The following ZNF236 variants were observed in gnomAD, a reference collection of about 807,000 sequenced individuals.
ZNF236 encodes regulated by glucose.
A neutral mutation model predicts 191.2 loss-of-function variants in ZNF236; 50 were observed. The ratio of observed to expected loss-of-function variants is 0.26; its 90% confidence interval spans 0.21 to 0.33. ZNF236 has a LOEUF of 0.33. ZNF236 is among the 10% of genes least tolerant of loss of function. The pLI is 1.00. For synonymous variants in ZNF236, 907 were observed against 928.8 expected, an observed-to-expected ratio of 0.98 and a Z score of 0.43; for missense variants, 1,754 against 2,374.5, an observed-to-expected ratio of 0.74 and a Z score of 5.43.
chr18:76,873,843 G>A (rs529501691), intron 5 of ZNF236, among the ~76,000 whole-genome samples: 2 of 139,712 alleles, frequency 1.4e-5, no homozygotes, highest in Non-Finnish European at 3.1e-5. Context: ...CGTAGGCAGT[G>A]CTGTGACTGG....
At chr18:76,961,938 A>G (rs1791842084) in intron 30 of ZNF236, among the ~76,000 whole-genome samples, 2 of 151,762 alleles carry the variant, frequency 1.3e-5, no homozygotes, top group Non-Finnish European at 2.9e-5. Flanking sequence ...CTTACTGATT[A>G]GTTTGAATTC....
chr18:76,901,068 G>T (rs572253870), intron 11 of ZNF236, among the ~76,000 whole-genome samples: 1 of 152,328 alleles, frequency 6.6e-6, no homozygotes, highest in African/African-American at 2.4e-5. Context: ...TTACTCACCT[G>T]CTATTCGCCT....
chr18:76,890,402 A>G (rs947270669), intron 9 of ZNF236, among the ~76,000 whole-genome samples: 1 of 152,220 alleles, frequency 6.6e-6, no homozygotes, highest in East Asian at 1.9e-4. Context: ...TACCGACCTT[A>G]TTGAAATTTT....
chr18:76,830,247 ATT>A (rs1441662095), intron 1 of ZNF236, among the ~76,000 whole-genome samples: 1 of 152,038 alleles, frequency 6.6e-6, no homozygotes, highest in Non-Finnish European at 1.5e-5. Context: ...TTCAATATTT[ATT>A]TTTATGAGAT....
At chr18:76,867,736 T>G (rs1976456936) in intron 3 of ZNF236, among the ~76,000 whole-genome samples, 1 of 152,240 alleles carries the variant, frequency 6.6e-6, no homozygotes, top group African/African-American at 2.4e-5. Flanking sequence ...GTTCTCACTC[T>G]AGGCCACGCA....
chr18:76,857,605 A>G (rs552466807), intron 3 of ZNF236, among the ~76,000 whole-genome samples: 25 of 152,296 alleles, frequency 1.6e-4, no homozygotes, highest in Admixed American at 3.9e-4. Flanking sequence ...ATATTAACCA[A>G]CTGTTAAAAG....
chr18:76,964,944 G>C (rs1968738325), intron 30 of ZNF236, among the ~76,000 whole-genome samples: 2 of 152,148 alleles, frequency 1.3e-5, no homozygotes, highest in South Asian at 2.1e-4. Context: ...CAAGGCCAGG[G>C]AAGTTTTCCT....
chr18:76,927,265 G>A lies in ZNF236; in HGVS notation c.4174-12G>A. 1 of 1,613,890 alleles carries A rather than the reference G, an allele frequency of 6.2e-7. No homozygotes were observed. The highest frequency in any genetic ancestry group is 8.5e-7 in the Non-Finnish European group (1 of 1,179,784). On this transcript the variant is annotated splice_polypyrimidine_tract_variant and intron_variant, in intron 23 of 30. Transcript: ENST00000320610. This position sits in a 1 kb window ranked among gnomAD's most constrained non-coding sequence, Gnocchi z 5.4. ...TGAAGTTTTCATTACAAGTACCTGT[G>A]CTGCTTTTCAGATTGATCCAAGCAT... is the stretch of plus-strand genomic sequence containing the variant.
At chr18:76,895,621 T>C (rs990283925) in intron 10 of ZNF236, among the ~76,000 whole-genome samples, 6 of 146,862 alleles carry the variant, frequency 4.1e-5, no homozygotes, top group African/African-American at 1.3e-4. Flanking sequence ...CTGCACACAG[T>C]ATGCAACAGG....
At chr18:76,910,837 C>A in intron 16 of ZNF236, 26 bp downstream of exon 16, 1 of 1,611,944 alleles carries the variant, frequency 6.2e-7, no homozygotes, top group East Asian at 2.2e-5. Context: ...GGGGTGCATA[C>A]ATGGCAGTAT....
intron 3 of ZNF236, among the ~76,000 whole-genome samples, chr18:76,853,922 A>G (rs1975959484): frequency 6.6e-6 from 1 of 152,064 alleles, no homozygotes; most frequent in South Asian, 2.1e-4. Flanking sequence ...AGGCGGGAGA[A>G]TCACTTGAAC....
rs1968878112 is a variant in ZNF236, at chr18:76,969,821, A to G, written c.*1482A>G. Reference sequence around the variant, plus strand: ...TTTGTTGTTGTTGTTCACTTTTGGCATATGTATATAAGTAATATTGACGGT... The same window carrying G: ...TTTGTTGTTGTTGTTCACTTTTGGCGTATGTATATAAGTAATATTGACGGT... On this transcript the variant is annotated 3_prime_UTR_variant, in exon 31 of 31. Transcript: ENST00000320610. 1.3e-5 allele frequency: 2 copies of G among 152,584 alleles called. No individual in the cohort carries two copies. The highest frequency in any genetic ancestry group is 1.9e-4 in the East Asian group (1 of 5,202). The allele number at this position is 152,584 out of a possible 1,614,324, so 9.5% of individuals were successfully genotyped here. A position where few individuals can be genotyped will look rare whatever the true frequency, so the allele number is the denominator to read the frequency against.
At chr18:76,878,207 A>G (rs1976769245) in intron 7 of ZNF236, 55 bp downstream of exon 7, 2 of 1,517,700 alleles carry the variant, frequency 1.3e-6, no homozygotes, top group East Asian at 2.3e-5. Context: ...GTCATTTTAA[A>G]TATGACCTTT....
rs145555359 is a variant in ZNF236 at position 76,880,831 on chromosome 18, C to G, written c.1189-453C>G. On this transcript the variant is annotated intron_variant, in intron 8 of 30. Coordinates refer to ENST00000320610, the MANE Select transcript of ZNF236 (RefSeq NM_001306089.2). The surrounding 1 kb of genome is among the most constrained non-coding windows in gnomAD (Gnocchi z 5.0). ...CACACTAACTCTTCACTCCTCCTGTCTCTCTGTTACTTGTTTAACCTTCCT... is the reference window on the plus strand; with the variant it reads ...CACACTAACTCTTCACTCCTCCTGTGTCTCTGTTACTTGTTTAACCTTCCT... Among the ~76,000 whole-genome samples the G allele has an allele frequency of 2.2e-4, 34 of 152,284 alleles. No homozygotes were observed. In the East Asian group the frequency reaches 5.8e-3, roughly 26 times the overall value.
rs1452150526 is a variant in ZNF236 at position 76,947,641 on chromosome 18, A to G, written c.4903A>G (p.Ile1635Val). ...GTCAGCGTCTGCTGCTTGTGAAGAAATAGCCTACCAGGTACAGGATATTCC... is the reference window on the plus strand; with the variant it reads ...GTCAGCGTCTGCTGCTTGTGAAGAAGTAGCCTACCAGGTACAGGATATTCC... ...PQSASAACEE[I>V]AYQVAGVSGN... The change falls in exon 27 of 31, where the codon ATA becomes GTA. Residue 1635 changes from isoleucine (I) to valine (V), a missense_variant. Ile to Val is a conservative substitution (Grantham distance 29, BLOSUM62 3). Around this residue, in one of 5 missense-constraint regions of ZNF236, gnomAD observed 606 missense variants for 761.5 expected, o/e 0.80. Transcript: ENST00000320610. The G allele has an allele frequency of 1.2e-6, 2 of 1,613,468 alleles. No individual in the cohort carries two copies. Among genetic ancestry groups the G allele is most frequent in the Non-Finnish European group, 1.7e-6 (2 of 1,179,738 alleles).
At chr18:76,929,540 C>T (rs1051667403) in intron 25 of ZNF236, among the ~76,000 whole-genome samples, 1 of 152,042 alleles carries the variant, frequency 6.6e-6, no homozygotes, top group Non-Finnish European at 1.5e-5. Context: ...TGGATTGTGC[C>T]TCTGTTCTTC....
At chr18:76,869,949 C>CT (rs1407260260) in intron 4 of ZNF236, among the ~76,000 whole-genome samples, 1 of 152,184 alleles carries the variant, frequency 6.6e-6, no homozygotes, top group African/African-American at 2.4e-5. Flanking sequence ...CAGCGAGACT[C>CT]TGTCTCCAAA....
chr18:76,950,351 G>GCAT (rs1431268099), intron 27 of ZNF236, among the ~76,000 whole-genome samples: 1 of 152,124 alleles, frequency 6.6e-6, no homozygotes, highest in Non-Finnish European at 1.5e-5. Flanking sequence ...AATGTTCACC[G>GCAT]CATCATCACC....
intron 1 of ZNF236, among the ~76,000 whole-genome samples, chr18:76,833,383 T>C (rs1001047182): frequency 6.6e-6 from 1 of 152,178 alleles, no homozygotes; most frequent in Non-Finnish European, 1.5e-5. Flanking sequence ...GTTTTATTTC[T>C]ATTTTGCTAA....
Sources: allele counts gnomAD v4.1 joint callset (sites outside exome capture counted in the v4.1 genomes callset), GRCh38; gene constraint gnomAD v4.1.1; regional missense constraint gnomAD v4.1.1; non-coding constraint Gnocchi (gnomAD v3.1); transcripts MANE v1.5; gene names NCBI Gene and HGNC (gene_info 2026-07-23, HGNC 2026-07-21).